TTC29: variants seen among roughly 807,000 people sequenced by gnomAD.
TTC29 encodes the protein tetratricopeptide repeat domain 29.
TTC29 carries 49 observed loss-of-function variants against 58.1 expected under a neutral mutation model. The ratio of observed to expected loss-of-function variants is 0.84; its 90% confidence interval spans 0.67 to 1.07. The LOEUF is 1.07. Among genes scored for constraint, TTC29 ranks in the 50% least tolerant of loss-of-function variants. The pLI, the probability that TTC29 is intolerant of heterozygous loss-of-function variation, is 0.00. For synonymous variants in TTC29, 209 were observed against 196.8 expected, an observed-to-expected ratio of 1.06 and a Z score of -0.52; for missense variants, 582 against 555.6, an observed-to-expected ratio of 1.05 and a Z score of -0.48.
chr4:146,871,006 G>C (rs1273570400), intron 7 of TTC29, among the ~76,000 whole-genome samples: 2 of 151,842 alleles, frequency 1.3e-5, no homozygotes, highest in African/African-American at 4.8e-5. Context: ...GTATTATTTT[G>C]ACATCAAACC....
chr4:146,822,970 T>C (rs1488733142), intron 9 of TTC29, among the ~76,000 whole-genome samples: 1 of 152,194 alleles, frequency 6.6e-6, no homozygotes, highest in Non-Finnish European at 1.5e-5. Flanking sequence ...TTCTTGTAAA[T>C]ATATTTAAGT....
chr4:146,818,320 T>G (rs1376306796), intron 10 of TTC29, among the ~76,000 whole-genome samples: 4 of 152,100 alleles, frequency 2.6e-5, no homozygotes, highest in Non-Finnish European at 5.9e-5. Flanking sequence ...GCAGCCAAAA[T>G]ACACATGAGA....
intron 8 of TTC29, among the ~76,000 whole-genome samples, chr4:146,847,184 A>G (rs1298275610): frequency 6.6e-6 from 1 of 152,196 alleles, no homozygotes; most frequent in African/African-American, 2.4e-5. Flanking sequence ...GCTTTTATCA[A>G]GTAGGTTATA....
At chr4:146,817,518 T>G (rs1042126295) in intron 10 of TTC29, among the ~76,000 whole-genome samples, 69 of 152,174 alleles carry the variant, frequency 4.5e-4, no homozygotes, top group Non-Finnish European at 8.2e-4. Context: ...CAAGGTAATT[T>G]ATAGATTCAA....
At chr4:146,875,778 C>T (rs930550274) in intron 6 of TTC29, among the ~76,000 whole-genome samples, 6 of 152,080 alleles carry the variant, frequency 3.9e-5, no homozygotes, top group African/African-American at 1.2e-4. Context: ...TTGGATTTTA[C>T]CCTATAATAA....
rs368681686 is a variant in TTC29 at position 146,937,304 on chromosome 4, C to T, written c.176+290G>A. Among the ~76,000 whole-genome samples the T allele has an allele frequency of 1.8e-4, 28 of 151,936 alleles. No homozygotes were observed. The East Asian group carries it at 5.4e-3, about 29-fold the overall frequency. ...TTTTCTTTCCCATGGAGACAACACA[C>T]CTTAAAATGAAGGTTAACAAGCAAT... On this transcript the variant is annotated intron_variant, in intron 4 of 12. Coordinates refer to ENST00000325106, the MANE Select transcript of TTC29 (RefSeq NM_031956.4).
rs1382155876 is a variant in TTC29, at chr4:146,822,947, GTTGT to G, written c.978-2703_978-2700del. ...TATCCTTTTTCCACTGTTTGATGGG[GTTGT>G]TTGTTTTTTTCTTGTAAATATATTT... is the stretch of plus-strand genomic sequence containing the variant. On this transcript the variant is annotated intron_variant, in intron 9 of 12. Transcript: ENST00000325106. Among the ~76,000 whole-genome samples the G allele has an allele frequency of 1.6e-3, 236 of 152,200 alleles. 3 individuals are homozygous for G. The highest frequency in any genetic ancestry group is 1.9e-3 in the East Asian group (10 of 5,184).
At chr4:146,896,772 C>T (rs1732797574) in intron 6 of TTC29, among the ~76,000 whole-genome samples, 1 of 152,114 alleles carries the variant, frequency 6.6e-6, no homozygotes, top group East Asian at 1.9e-4. Flanking sequence ...CTCAGTTTTT[C>T]ATTGTGTCAA....
At chr4:146,897,604 T>C (rs1732857363) in intron 6 of TTC29, among the ~76,000 whole-genome samples, 1 of 152,210 alleles carries the variant, frequency 6.6e-6, no homozygotes, top group Non-Finnish European at 1.5e-5. Context: ...GTACCAAGGC[T>C]TTGCCATGTC....
At chr4:146,750,897 T>A (rs554045741) in intron 11 of TTC29, among the ~76,000 whole-genome samples, 1 of 152,214 alleles carries the variant, frequency 6.6e-6, no homozygotes, top group African/African-American at 2.4e-5. Context: ...GTAAATGGAT[T>A]AAATTATCCA....
At chr4:146,855,411 C>T (rs1407392470) in intron 8 of TTC29, among the ~76,000 whole-genome samples, 4 of 119,692 alleles carry the variant, frequency 3.3e-5, no homozygotes, top group South Asian at 2.7e-4. Context: ...CCAGCCTGGG[C>T]GACAGTGAGA....
chr4:146,790,654 G>A (rs541145633), intron 11 of TTC29, among the ~76,000 whole-genome samples: 1 of 152,164 alleles, frequency 6.6e-6, no homozygotes, highest in African/African-American at 2.4e-5. Flanking sequence ...TCTCACTGTA[G>A]GTGTTGAAAA....
In TTC29 at chr4:146,868,952, G is replaced by C. The variant is rs117653059; in HGVS notation, c.800-1369C>G. ...CCACATGAGAGCTGATTGCTTTAAA[G>C]AGCCTACCATCTCTCTTACTCCTTC... On this transcript the variant is annotated intron_variant, in intron 7 of 12. Coordinates refer to ENST00000325106, the MANE Select transcript of TTC29 (RefSeq NM_031956.4). Among the ~76,000 whole-genome samples the C allele has an allele frequency of 6.2e-4, 95 of 152,056 alleles. 1 individual carries two copies. In the East Asian group the frequency reaches 0.017, roughly 27 times the overall value.
At chr4:146,751,680 C>T (rs1380353577) in intron 11 of TTC29, among the ~76,000 whole-genome samples, 4 of 152,102 alleles carry the variant, frequency 2.6e-5, no homozygotes, top group East Asian at 3.9e-4. Context: ...GATACCAAAA[C>T]GTATAGGATA....
chr4:146,801,446 T>C (rs1426787802), intron 11 of TTC29, among the ~76,000 whole-genome samples: 2 of 152,184 alleles, frequency 1.3e-5, no homozygotes, highest in Non-Finnish European at 2.9e-5. Flanking sequence ...GGCTCATCCA[T>C]GCATATATTT....
intron 11 of TTC29, among the ~76,000 whole-genome samples, chr4:146,708,340 A>ATG (rs1554002732): frequency 2.5e-5 from 1 of 40,450 alleles, no homozygotes; most frequent in East Asian, 8.7e-4. Flanking sequence ...ATATATATAT[A>ATG]TATATATATA....
At chr4:146,889,815 T>G (rs1252377706) in intron 6 of TTC29, among the ~76,000 whole-genome samples, 1 of 152,132 alleles carries the variant, frequency 6.6e-6, no homozygotes, top group Non-Finnish European at 1.5e-5. Context: ...ATATTTACAA[T>G]GCAATAAAGA....
At chr4:146,845,689 C>T (rs747353363) in intron 8 of TTC29, among the ~76,000 whole-genome samples, 2 of 152,120 alleles carry the variant, frequency 1.3e-5, no homozygotes, top group Non-Finnish European at 2.9e-5. Flanking sequence ...TCACCCCAGC[C>T]GTACAGACCT....
chr4:146,781,319 T>C (rs778929523), intron 11 of TTC29, among the ~76,000 whole-genome samples: 6 of 151,934 alleles, frequency 3.9e-5, no homozygotes, highest in Non-Finnish European at 5.9e-5. Flanking sequence ...GATTGCATCA[T>C]ATTGAAATGA....
Sources: allele counts gnomAD v4.1 joint callset (sites outside exome capture counted in the v4.1 genomes callset), GRCh38; gene constraint gnomAD v4.1.1; transcripts MANE v1.5; gene names NCBI Gene and HGNC (gene_info 2026-07-23, HGNC 2026-07-21).